Variants in BFSP2 observed in about 807,000 individuals in gnomAD.
BFSP2 encodes the protein beaded filament structural protein 2.
A neutral mutation model predicts 44.9 loss-of-function variants in BFSP2; 38 were observed. The ratio of observed to expected loss-of-function variants is 0.85; its 90% CI spans 0.65 to 1.11. BFSP2 has a LOEUF of 1.11. Ranked by LOEUF, BFSP2 falls within the 50% of genes least tolerant of loss-of-function variation. The pLI, the probability that BFSP2 is intolerant of heterozygous loss-of-function variation, is 0.00. For synonymous variants in BFSP2, 197 were observed against 209.9 expected (o/e 0.94, Z 0.53); for missense variants, 525 against 533.0 (o/e 0.99, Z 0.15).
At chr3:133,459,657 G>T (rs768674029) in intron 4 of BFSP2, among the ~76,000 whole-genome samples, 3 of 152,170 alleles carry the variant, frequency 2.0e-5, no homozygotes, top group African/African-American at 7.2e-5. Flanking sequence ...TTTAATCCCC[G>T]CTGAGGAGAG....
intron 3 of BFSP2, among the ~76,000 whole-genome samples, chr3:133,449,573 C>T (rs570025985): frequency 9.2e-5 from 14 of 151,888 alleles, no homozygotes; most frequent in African/African-American, 3.4e-4. Context: ...CTTGTGGAGA[C>T]CAACCTAAGA....
intron 1 of BFSP2, among the ~76,000 whole-genome samples, chr3:133,442,159 G>C (rs1465234551): frequency 6.6e-6 from 1 of 152,164 alleles, no homozygotes; most frequent in Non-Finnish European, 1.5e-5. Context: ...TCTGAGATGG[G>C]CTTTCACTTT....
intron 4 of BFSP2, among the ~76,000 whole-genome samples, chr3:133,452,772 A>T (rs942424182): frequency 6.6e-6 from 1 of 152,170 alleles, no homozygotes; most frequent in African/African-American, 2.4e-5. Flanking sequence ...GCTAAACCTC[A>T]GAGGCCCAGC....
At chr3:133,472,678 C>T in intron 6 of BFSP2, 113 bp downstream of exon 6, 1 of 1,306,322 alleles carries the variant, frequency 7.7e-7, no homozygotes, top group Middle Eastern at 2.6e-4. Context: ...CAGACTTCCT[C>T]TCACATAGGC....
intron 5 of BFSP2, among the ~76,000 whole-genome samples, chr3:133,468,893 G>A (rs2074136349): frequency 2.6e-5 from 4 of 152,206 alleles, no homozygotes; most frequent in African/African-American, 4.8e-5. Flanking sequence ...ACCTCATAAC[G>A]TCATTGAGAT....
intron 5 of BFSP2, among the ~76,000 whole-genome samples, chr3:133,471,772 A>G (rs1187899238): frequency 1.3e-5 from 2 of 152,156 alleles, no homozygotes; most frequent in Non-Finnish European, 2.9e-5. Flanking sequence ...ATGGGCAAAA[A>G]TGTGCTACTA....
chr3:133,469,153 A>G (rs1304594347), intron 5 of BFSP2, among the ~76,000 whole-genome samples: 1 of 152,234 alleles, frequency 6.6e-6, no homozygotes, highest in African/African-American at 2.4e-5. Context: ...CATTCTGTCT[A>G]TGCCCATAGC....
At chr3:133,426,007 A>AGGAAG (rs111273007) in intron 1 of BFSP2, among the ~76,000 whole-genome samples, 3 of 2,274 alleles carry the variant, frequency 1.3e-3, no homozygotes, top group African/African-American at 5.4e-3. Context: ...GGGCAGGGAA[A>AGGAAG]GGAAGGGAAG....
At chr3:133,457,153 T>A (rs1263096166) in intron 4 of BFSP2, among the ~76,000 whole-genome samples, 6 of 152,242 alleles carry the variant, frequency 3.9e-5, no homozygotes, top group African/African-American at 1.4e-4. Context: ...GCAGGACGCC[T>A]GACAGCATCT....
At chr3:133,459,276 C>T (rs548408877) in intron 4 of BFSP2, among the ~76,000 whole-genome samples, 7 of 151,808 alleles carry the variant, frequency 4.6e-5, no homozygotes, top group African/African-American at 1.5e-4. Flanking sequence ...CTCAGGAGGT[C>T]GAGGCTGCAG....
chr3:133,445,686 A>C (rs1050586043), intron 1 of BFSP2: 1 of 152,226 alleles, frequency 6.6e-6, no homozygotes, highest in Non-Finnish European at 1.5e-5. Flanking sequence ...AACTATGTAC[A>C]TAGCATTTCC....
intron 1 of BFSP2, among the ~76,000 whole-genome samples, chr3:133,445,857 T>C (rs1307438435): frequency 6.6e-6 from 1 of 152,132 alleles, no homozygotes; most frequent in East Asian, 1.9e-4. Context: ...CAACTGTACA[T>C]AGGTTTTCTA....
intron 4 of BFSP2, among the ~76,000 whole-genome samples, chr3:133,464,342 C>T (rs958146210): frequency 6.6e-6 from 1 of 152,196 alleles, no homozygotes; most frequent in African/African-American, 2.4e-5. Context: ...TTCTGTCTCT[C>T]ACTGGCCATA....
chr3:133,469,809 A>T (rs1487390974), intron 5 of BFSP2, among the ~76,000 whole-genome samples: 3 of 152,236 alleles, frequency 2.0e-5, no homozygotes, highest in Admixed American at 6.5e-5. Context: ...TGGAAGACAC[A>T]TATAACCTTT....
chr3:133,412,044 G>C (rs74762569), intron 1 of BFSP2, among the ~76,000 whole-genome samples: 3,975 of 152,332 alleles, frequency 0.026, 159 homozygotes, highest in African/African-American at 0.089. Context: ...TCGTTGTGAA[G>C]TCATGTGTTC....
intron 6 of BFSP2, among the ~76,000 whole-genome samples, chr3:133,474,089 C>G (rs1057154829): frequency 1.3e-5 from 2 of 152,142 alleles, no homozygotes; most frequent in African/African-American, 4.8e-5. Flanking sequence ...TGCACTCACT[C>G]TTTTTTTAAT....
intron 1 of BFSP2, among the ~76,000 whole-genome samples, chr3:133,439,647 A>G (rs905252297): frequency 6.6e-6 from 1 of 152,240 alleles, no homozygotes; most frequent in African/African-American, 2.4e-5. Context: ...CCGAGGTAGC[A>G]GCAGGAGTCA....
At chr3:133,427,365 C>T (rs945262545) in intron 1 of BFSP2, among the ~76,000 whole-genome samples, 1 of 152,196 alleles carries the variant, frequency 6.6e-6, no homozygotes, top group African/African-American at 2.4e-5. Context: ...GGTGTCATTA[C>T]CTCCTTTTTA....
At chr3:133,457,754 C>A (rs1418637645) in intron 4 of BFSP2, among the ~76,000 whole-genome samples, 1 of 152,194 alleles carries the variant, frequency 6.6e-6, no homozygotes. Context: ...TTGCACTACA[C>A]AAGTGGAGTT....
Sources: gnomAD v4.1 joint callset for allele counts (sites outside exome capture counted in the v4.1 genomes callset) on GRCh38, gnomAD v4.1.1 for gene constraint, MANE v1.5 for transcripts, NCBI Gene and HGNC (gene_info 2026-07-23, HGNC 2026-07-21) for gene names.